ARHGEF10: variants seen among roughly 807,000 people sequenced by gnomAD.
ARHGEF10 encodes Rho guanine nucleotide exchange factor (GEF) 10.
In ARHGEF10, 140 loss-of-function variants were observed where a neutral mutation model predicts 147.4. The observed-to-expected ratio is 0.95, with a 90% CI of 0.83 to 1.09. ARHGEF10 has a LOEUF of 1.09. Ranked by LOEUF, ARHGEF10 falls within the 50% of genes least tolerant of loss-of-function variation. The probability of loss-of-function intolerance (pLI) is 0.00; values close to 1 mark genes in which losing one functional copy is unlikely to be tolerated. For missense variants in ARHGEF10, 2,222 were observed against 1,752.7 expected, an observed-to-expected ratio of 1.27 and a Z score of -4.78; for synonymous variants, 902 against 695.8, an observed-to-expected ratio of 1.30 and a Z score of -4.67.
chr8:1,845,557 C>T (rs545084970), intron 2 of ARHGEF10, among the ~76,000 whole-genome samples: 47 of 152,338 alleles, frequency 3.1e-4, no homozygotes, highest in Middle Eastern at 3.4e-3. Flanking sequence ...ACGTAGGACC[C>T]GTTCAGAATC....
At chr8:1,869,296 C>G (rs751376511) in intron 7 of ARHGEF10, 46 bp downstream of exon 7, 69 of 1,543,558 alleles carry the variant, frequency 4.5e-5, no homozygotes, top group Non-Finnish European at 5.8e-5. Flanking sequence ...AGCTCAGCAG[C>G]CTTTCCCTCT....
At chr8:1,869,622 G>C (rs1015917485) in intron 7 of ARHGEF10, 6 of 354,014 alleles carry the variant, frequency 1.7e-5, no homozygotes, top group Non-Finnish European at 3.2e-5. Flanking sequence ...AAATAACTAA[G>C]AATTCTCTAC....
chr8:1,924,651 C>G (rs1812550748), intron 21 of ARHGEF10, among the ~76,000 whole-genome samples: 1 of 152,210 alleles, frequency 6.6e-6, no homozygotes, highest in South Asian at 2.1e-4. Context: ...GATGAGGAAG[C>G]AGAAACACAG....
At chr8:1,860,214 A>G in intron 4 of ARHGEF10, 30 bp downstream of exon 4, 1 of 1,607,174 alleles carries the variant, frequency 6.2e-7, no homozygotes, top group African/African-American at 1.3e-5. Flanking sequence ...CACGCCCCCG[A>G]AGTGGCCTGT....
chr8:1,937,300 G>T lies in ARHGEF10; in HGVS notation c.3222+3358G>T, dbSNP rs1273728778. ...GGGTAGCCCCGTGGATGCGGTCACA[G>T]CTTCTTGAGTTTTTCACAGCCCTTG... is the stretch of plus-strand genomic sequence containing the variant. On this transcript the variant is annotated intron_variant, in intron 26 of 28. Transcript: ENST00000349830. The surrounding 1 kb of genome is among the most constrained non-coding windows in gnomAD (Gnocchi z 4.9). 6.6e-6 allele frequency among the ~76,000 whole-genome samples: 1 copy of T among 152,182 alleles called. No homozygotes were observed. Among genetic ancestry groups the T allele is most frequent in the Admixed American group, 6.5e-5 (1 of 15,286 alleles).
chr8:1,860,973 A>T (rs551731708), intron 4 of ARHGEF10, among the ~76,000 whole-genome samples: 2 of 152,276 alleles, frequency 1.3e-5, no homozygotes, highest in East Asian at 3.9e-4. Flanking sequence ...ATCTCAGCAG[A>T]GTCCTCAGTG....
chr8:1,859,845 C>G, intron 3 of ARHGEF10, 52 bp from the exon 4 acceptor site: 1 of 1,609,444 alleles, frequency 6.2e-7, no homozygotes, highest in Non-Finnish European at 8.5e-7. Flanking sequence ...GAGGGCATGC[C>G]TGCCATGCCC....
At chr8:1,950,661 A>G (rs1814957759) in intron 27 of ARHGEF10, among the ~76,000 whole-genome samples, 1 of 149,838 alleles carries the variant, frequency 6.7e-6, no homozygotes, top group African/African-American at 2.5e-5. Flanking sequence ...GCTCCTGAGT[A>G]GTTGGGATAA....
At position 1,928,597 on chromosome 8, in the gene ARHGEF10, G is replaced by T; in HGVS notation, c.2868G>T (p.Pro956=). The T allele has an allele frequency of 1.2e-6, 2 of 1,614,188 alleles. No individual in the cohort carries two copies. Among genetic ancestry groups the T allele is most frequent in the Non-Finnish European group, 1.7e-6 (2 of 1,180,026 alleles). ...GGGCACCCCCGGACCCCGAGACCCC[G>T]GCCGTGAGAGCTTCTGATGTCCCCA... The part of the protein sequence containing the change: ...EPGAPPDPET[P]AVRASDVPTI... The change falls in exon 24 of 29, where the codon CCG becomes CCT. Residue 956 remains proline, a synonymous_variant. Coordinates refer to ENST00000349830, the MANE Select transcript of ARHGEF10 (RefSeq NM_014629.4).
intron 11 of ARHGEF10, among the ~76,000 whole-genome samples, chr8:1,888,894 GAGTTGGGTGAGGGTTGTGAGGAGAC>G (rs1183889888): frequency 1.1e-4 from 15 of 140,278 alleles, no homozygotes; most frequent in Non-Finnish European, 2.0e-4. Flanking sequence ...AGGAGACACT[GAGTTGGGTGAGGGTTGTGAGGAGAC>G]AGTGGGGTGA....
At chr8:1,952,477 G>A (rs1261870712) in intron 27 of ARHGEF10, among the ~76,000 whole-genome samples, 2 of 152,214 alleles carry the variant, frequency 1.3e-5, no homozygotes, top group African/African-American at 4.8e-5. Context: ...CCAGACATCT[G>A]GCCTGTTCTG....
At chr8:1,927,877 G>T (rs1051086268) in intron 23 of ARHGEF10, among the ~76,000 whole-genome samples, 1 of 152,084 alleles carries the variant, frequency 6.6e-6, no homozygotes, top group African/African-American at 2.4e-5. Context: ...GGAGGCAGAG[G>T]TTGCAGTGAG....
At chr8:1,896,825 G>T (rs1393310365) in intron 14 of ARHGEF10, among the ~76,000 whole-genome samples, 1 of 152,204 alleles carries the variant, frequency 6.6e-6, no homozygotes, top group Non-Finnish European at 1.5e-5. Flanking sequence ...GCACCGGCCT[G>T]GAGAGTCAGA....
At chr8:1,886,587 T>G (rs923924523) in intron 11 of ARHGEF10, among the ~76,000 whole-genome samples, 3 of 152,202 alleles carry the variant, frequency 2.0e-5, no homozygotes, top group Non-Finnish European at 4.4e-5. Context: ...AAGTATTAGT[T>G]TTGTCAGCAG....
chr8:1,852,092 C>A (rs1805199405), intron 2 of ARHGEF10, among the ~76,000 whole-genome samples: 1 of 152,056 alleles, frequency 6.6e-6, no homozygotes, highest in South Asian at 2.1e-4. Flanking sequence ...CAGGTGTCTA[C>A]AAAACTTAGA....
chr8:1,948,251 G>A lies in ARHGEF10; in HGVS notation c.3397+2596G>A, dbSNP rs533220363. On this transcript the variant is annotated intron_variant, in intron 27 of 28. Coordinates refer to ENST00000349830, the MANE Select transcript of ARHGEF10 (RefSeq NM_014629.4). This position sits in a 1 kb window ranked among gnomAD's most constrained non-coding sequence, Gnocchi z 4.9. ...GGCTGGCTCTCCATGGCCACAGTGCGTGCTCTCAGCCCCCTGCTCCGGGGG... is the reference window on the plus strand; with the variant it reads ...GGCTGGCTCTCCATGGCCACAGTGCATGCTCTCAGCCCCCTGCTCCGGGGG... 2.0e-5 allele frequency among the ~76,000 whole-genome samples: 3 copies of A among 152,156 alleles called. No homozygotes were observed. The highest frequency in any genetic ancestry group is 2.1e-4 in the South Asian group (1 of 4,814).
intron 12 of ARHGEF10, among the ~76,000 whole-genome samples, 198 bp downstream of exon 12, chr8:1,893,844 A>G (rs892343083): frequency 1.3e-5 from 2 of 152,184 alleles, no homozygotes; most frequent in Non-Finnish European, 2.9e-5. Context: ...AATATAATTT[A>G]TGTAAGTGAA....
chr8:1,883,658 T>A (rs1808404629), intron 10 of ARHGEF10, among the ~76,000 whole-genome samples: 2 of 152,200 alleles, frequency 1.3e-5, no homozygotes, highest in Non-Finnish European at 2.9e-5. Context: ...CCGAGGGGTT[T>A]ATTTGGTGAT....
rs918096849 is a variant in ARHGEF10 at position 1,895,260 on chromosome 8, G to T, written c.1440+688G>T. Among the ~76,000 whole-genome samples the T allele has an allele frequency of 1.1e-4, 16 of 152,320 alleles. No homozygotes were observed. The South Asian group carries it at 2.1e-3, about 20-fold the overall frequency. On this transcript the variant is annotated intron_variant, in intron 13 of 28. Transcript: ENST00000349830. ...GTATGAATCATACTTATTGTATATT[G>T]GTTGGATTCTACCTAGATGTAGAGG...
Sources: allele counts gnomAD v4.1 joint callset (sites outside exome capture counted in the v4.1 genomes callset), GRCh38; gene constraint gnomAD v4.1.1; non-coding constraint Gnocchi (gnomAD v3.1); transcripts MANE v1.5; gene names NCBI Gene and HGNC (gene_info 2026-07-23, HGNC 2026-07-21).